Variants in NPAS3 observed in about 807,000 individuals in gnomAD.
NPAS3 encodes neuronal PAS domain-containing protein 3.
Under a neutral mutation model 73.1 loss-of-function variants are expected in NPAS3, and 14 were observed. That is an observed-to-expected ratio of 0.19 (90% CI 0.13 to 0.30). NPAS3 has a LOEUF of 0.30. Among genes scored for constraint, NPAS3 ranks in the 10% least tolerant of loss-of-function variants. The probability of loss-of-function intolerance (pLI) is 1.00; values close to 1 mark genes in which losing one functional copy is unlikely to be tolerated. For synonymous variants in NPAS3, 620 were observed against 541.5 expected, an observed-to-expected ratio of 1.14 and a Z score of -2.01; for missense variants, 1,096 against 1,250.0, an observed-to-expected ratio of 0.88 and a Z score of 1.86.
intron 3 of NPAS3, among the ~76,000 whole-genome samples, chr14:33,348,513 T>G (rs2044860511): frequency 1.3e-5 from 2 of 152,082 alleles, no homozygotes; most frequent in Admixed American, 1.3e-4. Context: ...TTAGAACAAG[T>G]GAATTATTTT....
At chr14:33,635,541 G>T (rs572750247) in intron 5 of NPAS3, among the ~76,000 whole-genome samples, 1 of 152,298 alleles carries the variant, frequency 6.6e-6, no homozygotes, top group African/African-American at 2.4e-5. Context: ...CGAGCAGGGA[G>T]GGTCTTGCTT....
intron 2 of NPAS3, among the ~76,000 whole-genome samples, chr14:33,200,883 C>T (rs1177193832): frequency 1.3e-5 from 2 of 152,192 alleles, no homozygotes; most frequent in Non-Finnish European, 2.9e-5. Context: ...CATGCTTGCA[C>T]TGCTTTCTTT....
intron 4 of NPAS3, among the ~76,000 whole-genome samples, chr14:33,450,630 T>G (rs1376708080): frequency 6.6e-6 from 1 of 152,236 alleles, no homozygotes; most frequent in Non-Finnish European, 1.5e-5. Flanking sequence ...GCTGCCAGAT[T>G]GCTTGTAGTT....
intron 3 of NPAS3, among the ~76,000 whole-genome samples, chr14:33,317,590 T>C (rs1255134992): frequency 1.3e-5 from 2 of 152,038 alleles, no homozygotes; most frequent in East Asian, 3.9e-4. Flanking sequence ...GTTCTCGTGA[T>C]AGTGAGTTCT....
chr14:33,662,289 A>G (rs985806989), intron 5 of NPAS3, among the ~76,000 whole-genome samples: 2 of 152,208 alleles, frequency 1.3e-5, no homozygotes, highest in South Asian at 2.1e-4. Context: ...AATACTCTTC[A>G]TCTTGAGCTC....
intron 4 of NPAS3, among the ~76,000 whole-genome samples, chr14:33,501,950 C>A: frequency 6.6e-6 from 1 of 151,904 alleles, no homozygotes. Context: ...AGGGAAAGGA[C>A]CCTGTGAGTA....
intron 2 of NPAS3, among the ~76,000 whole-genome samples, chr14:33,120,215 T>C (rs1196001975): frequency 6.6e-6 from 1 of 152,112 alleles, no homozygotes; most frequent in Non-Finnish European, 1.5e-5. Flanking sequence ...CACCTTGGCC[T>C]CCCAAAGTGC....
chr14:33,463,193 G>A (rs368644283), intron 4 of NPAS3, among the ~76,000 whole-genome samples: 6 of 152,180 alleles, frequency 3.9e-5, no homozygotes, highest in East Asian at 1.9e-4. Flanking sequence ...CATCTTGGCC[G>A]GCCCATTTCC....
At chr14:33,010,727 T>G (rs1300385199) in intron 1 of NPAS3, among the ~76,000 whole-genome samples, 1 of 151,960 alleles carries the variant, frequency 6.6e-6, no homozygotes, top group Non-Finnish European at 1.5e-5. Context: ...CAAGGAGAGA[T>G]AATCACTTGG....
intron 7 of NPAS3, among the ~76,000 whole-genome samples, chr14:33,737,999 G>A (rs892676170): frequency 4.6e-5 from 7 of 152,242 alleles, no homozygotes; most frequent in Admixed American, 4.6e-4. Flanking sequence ...ATGGACCTTT[G>A]TAACTTTCTC....
downstream of NPAS3, chr14:33,801,749 G>A (rs751652927): frequency 6.6e-6 from 1 of 151,280 alleles, no homozygotes; most frequent in Non-Finnish European, 1.5e-5. Flanking sequence ...AAAAAAAGTC[G>A]GACTAAATGT....
At chr14:33,346,204 G>A (rs1320281608) in intron 3 of NPAS3, among the ~76,000 whole-genome samples, 14 of 144,380 alleles carry the variant, frequency 9.7e-5, no homozygotes, top group Admixed American at 8.6e-4. Context: ...CAGCCTGGGC[G>A]ACAGAGGGAG....
chr14:33,267,883 C>T (rs1278321310), intron 3 of NPAS3, among the ~76,000 whole-genome samples: 1 of 152,152 alleles, frequency 6.6e-6, no homozygotes, highest in African/African-American at 2.4e-5. Flanking sequence ...TCTGCTCCTA[C>T]ATAGTGAAGA....
At chr14:33,441,800 C>T (rs187981996) in intron 4 of NPAS3, among the ~76,000 whole-genome samples, 17 of 152,230 alleles carry the variant, frequency 1.1e-4, no homozygotes, top group Admixed American at 3.3e-4. Context: ...AGCAAAGGCA[C>T]GTCTTACATG....
chr14:33,281,587 G>A lies in NPAS3; in HGVS notation c.385+66161G>A, dbSNP rs116818245. Among the ~76,000 whole-genome samples, 613 of 152,246 alleles carry A rather than the reference G, an allele frequency of 4.0e-3. 4 individuals are homozygous for A. The highest frequency in any genetic ancestry group is 0.014 in the African/African-American group (582 of 41,548). On this transcript the variant is annotated intron_variant, in intron 3 of 11. Transcript: ENST00000356141. ...GCAGAAGTTGCAGTGAGCCAAGATC[G>A]CGTCATTGCACTCCAGCGGTGCTGA... is the stretch of plus-strand genomic sequence containing the variant.
chr14:33,772,315 C>T (rs192304190), intron 7 of NPAS3, among the ~76,000 whole-genome samples: 3 of 152,210 alleles, frequency 2.0e-5, no homozygotes, highest in African/African-American at 7.2e-5. Flanking sequence ...CTTACTGGAC[C>T]CAACTTTGAC....
intron 2 of NPAS3, among the ~76,000 whole-genome samples, chr14:33,093,006 C>T (rs561417771): frequency 4.6e-5 from 7 of 152,232 alleles, no homozygotes; most frequent in South Asian, 4.2e-4. Context: ...GACCTAAAAC[C>T]GTAGAAACCC....
At chr14:33,527,754 T>G (rs917775045) in intron 4 of NPAS3, among the ~76,000 whole-genome samples, 3 of 152,152 alleles carry the variant, frequency 2.0e-5, no homozygotes, top group Admixed American at 1.3e-4. Context: ...GGAGAACTTG[T>G]GTTTGAAATG....
chr14:33,649,622 A>G (rs975714043), intron 5 of NPAS3, among the ~76,000 whole-genome samples: 1 of 152,196 alleles, frequency 6.6e-6, no homozygotes, highest in Admixed American at 6.5e-5. Flanking sequence ...TTTAGTTCCT[A>G]CATAAGGAAG....
Sources: gnomAD v4.1 joint callset for allele counts (sites outside exome capture counted in the v4.1 genomes callset) on GRCh38, gnomAD v4.1.1 for gene constraint, MANE v1.5 for transcripts, NCBI Gene and HGNC (gene_info 2026-07-23, HGNC 2026-07-21) for gene names.